FNIP1: variants seen among roughly 807,000 people sequenced by gnomAD.
FNIP1 encodes folliculin interacting protein 1, also known as folliculin-interacting protein 1.
Under a neutral mutation model 124.5 loss-of-function variants are expected in FNIP1, and 40 were observed. That is an observed-to-expected ratio of 0.32 (90% CI 0.25 to 0.42). The LOEUF (loss-of-function observed/expected upper bound fraction) is 0.42. FNIP1 is among the 10% of genes least tolerant of loss of function. FNIP1 has a pLI of 1.00. For missense variants in FNIP1, 1,176 were observed against 1,403.7 expected, an observed-to-expected ratio of 0.84 and a Z score of 2.59; for synonymous variants, 472 against 470.6, an observed-to-expected ratio of 1.00 and a Z score of -0.04.
chr5:131,774,973 T>C (rs1218174255), intron 1 of FNIP1, among the ~76,000 whole-genome samples: 1 of 152,218 alleles, frequency 6.6e-6, no homozygotes, highest in Non-Finnish European at 1.5e-5. Flanking sequence ...ACAAATATTA[T>C]CTAAACAAAT....
At chr5:131,749,688 G>A (rs566953400) in intron 1 of FNIP1, among the ~76,000 whole-genome samples, 121 of 152,060 alleles carry the variant, frequency 8.0e-4, no homozygotes, top group African/African-American at 2.5e-3. Flanking sequence ...CACTGTGCCC[G>A]GCCTACTTTT....
At chr5:131,765,639 G>A (rs1771395182) in intron 1 of FNIP1, among the ~76,000 whole-genome samples, 1 of 152,180 alleles carries the variant, frequency 6.6e-6, no homozygotes. Flanking sequence ...CTATTCTGAT[G>A]TCTTCACTTT....
At chr5:131,696,483 A>G in intron 11 of FNIP1, among the ~76,000 whole-genome samples, 1 of 152,160 alleles carries the variant, frequency 6.6e-6, no homozygotes, top group East Asian at 1.9e-4. Context: ...CTAGAGTTTC[A>G]GTGTCCCAAA....
intron 1 of FNIP1, among the ~76,000 whole-genome samples, chr5:131,773,173 C>T (rs946946921): frequency 6.6e-6 from 1 of 152,154 alleles, no homozygotes; most frequent in African/African-American, 2.4e-5. Flanking sequence ...GCTACCTCTT[C>T]TAACAGAAGT....
At chr5:131,684,395 C>A (rs1768197818) in intron 11 of FNIP1, among the ~76,000 whole-genome samples, 1 of 152,080 alleles carries the variant, frequency 6.6e-6, no homozygotes, top group Non-Finnish European at 1.5e-5. Context: ...TGGTGAATAT[C>A]AATTGTATAT....
intron 7 of FNIP1, 114 bp downstream of exon 7, chr5:131,710,464 C>A: frequency 1.1e-6 from 1 of 870,304 alleles, no homozygotes. Flanking sequence ...GCAATGTTTT[C>A]TTAACCACAA....
intron 1 of FNIP1, among the ~76,000 whole-genome samples, chr5:131,764,188 T>C (rs1413081160): frequency 6.6e-6 from 1 of 152,138 alleles, no homozygotes. Flanking sequence ...GCCAAGCAGA[T>C]GCCAGCATTA....
At chr5:131,651,538 T>C (rs192717700) in intron 16 of FNIP1, among the ~76,000 whole-genome samples, 3 of 152,194 alleles carry the variant, frequency 2.0e-5, no homozygotes, top group African/African-American at 4.8e-5. Flanking sequence ...CCTCACATGG[T>C]GGAGACAGAA....
At chr5:131,704,505 G>A (rs1442994991) in intron 9 of FNIP1, among the ~76,000 whole-genome samples, 2 of 152,082 alleles carry the variant, frequency 1.3e-5, no homozygotes, top group Non-Finnish European at 2.9e-5. Context: ...CCAATTAGAA[G>A]TAACTAAAGA....
At chr5:131,794,110 C>T (rs1044027123) in intron 1 of FNIP1, among the ~76,000 whole-genome samples, 1 of 150,806 alleles carries the variant, frequency 6.6e-6, no homozygotes, top group Non-Finnish European at 1.5e-5. Context: ...TGGGAGGATA[C>T]TTAGGAGCCT....
chr5:131,645,583 T>C (rs1421061191), intron 17 of FNIP1, among the ~76,000 whole-genome samples: 2 of 152,210 alleles, frequency 1.3e-5, no homozygotes, highest in Non-Finnish European at 2.9e-5. Context: ...AGAGTGCCTC[T>C]TACTGTTTGT....
At chr5:131,687,101 TG>T (rs1222269604) in intron 11 of FNIP1, among the ~76,000 whole-genome samples, 3 of 150,980 alleles carry the variant, frequency 2.0e-5, no homozygotes, top group African/African-American at 7.3e-5. Flanking sequence ...GTGGTTTGTT[TG>T]GCTTTTTTTT....
At chr5:131,731,705 G>A (rs1253454134) in intron 2 of FNIP1, among the ~76,000 whole-genome samples, 1 of 151,238 alleles carries the variant, frequency 6.6e-6, no homozygotes, top group African/African-American at 2.4e-5. Context: ...ACAAGTTATC[G>A]AGGATCCCAA....
chr5:131,651,052 G>A (rs1435922870), intron 16 of FNIP1, among the ~76,000 whole-genome samples: 1 of 151,900 alleles, frequency 6.6e-6, no homozygotes, highest in Admixed American at 6.6e-5. Context: ...CTTAGCTTGG[G>A]CTGCCATAAC....
chr5:131,696,325 A>G (rs768414672), intron 11 of FNIP1, among the ~76,000 whole-genome samples: 22 of 152,208 alleles, frequency 1.4e-4, no homozygotes, highest in South Asian at 4.1e-4. Flanking sequence ...CTTTTATTTA[A>G]TCATGAATGG....
intron 2 of FNIP1, among the ~76,000 whole-genome samples, chr5:131,733,775 T>C (rs1770186558): frequency 6.6e-6 from 1 of 152,232 alleles, no homozygotes; most frequent in Non-Finnish European, 1.5e-5. Flanking sequence ...ATCAGGGATA[T>C]TGGTCTACAA....
intron 6 of FNIP1, among the ~76,000 whole-genome samples, chr5:131,711,417 T>C (rs543281207): frequency 6.6e-6 from 1 of 152,206 alleles, no homozygotes; most frequent in Non-Finnish European, 1.5e-5. Flanking sequence ...TTCATGAAAA[T>C]AGTCTAAATA....
intron 11 of FNIP1, among the ~76,000 whole-genome samples, chr5:131,679,739 C>T (rs1240693909): frequency 6.6e-6 from 1 of 152,120 alleles, no homozygotes; most frequent in Non-Finnish European, 1.5e-5. Flanking sequence ...TTCCTTGAAT[C>T]AACACAAAAA....
rs377590143 is a variant in FNIP1, at chr5:131,671,911, C to T, written c.2533G>A (p.Glu845Lys). The change falls in exon 14 of 18, where the codon GAA becomes AAA. Residue 845 changes from glutamate (E) to lysine (K), a missense_variant. Around this residue, in one of 2 missense-constraint regions of FNIP1, gnomAD observed 1,109 missense variants for 1,288.5 expected, o/e 0.86. Coordinates refer to ENST00000510461, the MANE Select transcript of FNIP1 (RefSeq NM_133372.3). Reference protein sequence around the residue: ...FDEYFNDDSIETRTIDDVPFK... With the variant: ...FDEYFNDDSIKTRTIDDVPFK... ...GGAACATCATCAATAGTCCTGGTTTCGATTGAATCATCATTAAAATATTCG... is the reference window on the plus strand; with the variant it reads ...GGAACATCATCAATAGTCCTGGTTTTGATTGAATCATCATTAAAATATTCG... The T allele has an allele frequency of 1.5e-4, 247 of 1,614,042 alleles. No homozygotes were observed. Among genetic ancestry groups the T allele is most frequent in the Middle Eastern group, 9.9e-4 (6 of 6,084 alleles).
Sources: allele counts gnomAD v4.1 joint callset (sites outside exome capture counted in the v4.1 genomes callset), GRCh38; gene constraint gnomAD v4.1.1; regional missense constraint gnomAD v4.1.1; transcripts MANE v1.5; gene names NCBI Gene and HGNC (gene_info 2026-07-23, HGNC 2026-07-21).